SLCO1B1: variants seen among roughly 807,000 people sequenced by gnomAD.
SLCO1B1 encodes OATP-2.
A neutral mutation model predicts 70.1 loss-of-function variants in SLCO1B1; 81 were observed. That is an observed-to-expected ratio of 1.16 (90% confidence interval 0.97 to 1.39). The LOEUF (loss-of-function observed/expected upper bound fraction) is 1.39. SLCO1B1 is among the 40% of genes most tolerant of loss of function. The probability of loss-of-function intolerance (pLI) is 0.00; values close to 1 mark genes in which losing one functional copy is unlikely to be tolerated. For missense variants in SLCO1B1, 895 were observed against 799.6 expected (o/e 1.12, Z -1.44); for synonymous variants, 283 against 271.5 (o/e 1.04, Z -0.42).
chr12:21,134,044 G>C (rs537678941), intron 1 of SLCO1B1, among the ~76,000 whole-genome samples: 65 of 152,148 alleles, frequency 4.3e-4, no homozygotes, highest in African/African-American at 8.4e-4. Context: ...TAGCATGAAG[G>C]GTTGTTGAAT....
chr12:21,197,089 A>G lies in SLCO1B1; in HGVS notation c.871A>G (p.Lys291Glu), dbSNP rs1239892231. The change falls in exon 8 of 15, where the codon AAA becomes GAA. Residue 291 changes from lysine (K) to glutamate (E), a missense_variant. By Grantham distance (56) the Lys-to-Glu change is moderately conservative. Transcript: ENST00000256958. ...QTPNKPQKERKASLSLHVLET... is the reference protein window; with the variant it reads ...QTPNKPQKEREASLSLHVLET... ...TCCAAATAAACCACAAAAAGAAAGA[A>G]AAGCTTCACTGTCTTTGCATGTGCT... The G allele has an allele frequency of 6.2e-7, 1 of 1,613,708 alleles. No individual in the cohort carries two copies. Among genetic ancestry groups the G allele is most frequent in the Non-Finnish European group, 8.5e-7 (1 of 1,179,776 alleles).
chr12:21,162,246 A>G (rs1375177558), intron 2 of SLCO1B1, among the ~76,000 whole-genome samples: 2 of 152,060 alleles, frequency 1.3e-5, no homozygotes, highest in African/African-American at 4.8e-5. Flanking sequence ...CAATAAAAGG[A>G]ACACTTAAAA....
intron 9 of SLCO1B1, 39 bp downstream of exon 9, chr12:21,200,711 A>G: frequency 6.5e-7 from 1 of 1,531,946 alleles, no homozygotes. Context: ...AATAAGTGAA[A>G]TAATACTAAA....
chr12:21,212,013 C>G (rs1014408560), intron 11 of SLCO1B1, among the ~76,000 whole-genome samples: 1 of 149,754 alleles, frequency 6.7e-6, no homozygotes, highest in Non-Finnish European at 1.5e-5. Flanking sequence ...AAAAAACCAG[C>G]TCCTGGATTC....
chr12:21,156,920 A>G (rs928806128), intron 2 of SLCO1B1, among the ~76,000 whole-genome samples: 1 of 152,172 alleles, frequency 6.6e-6, no homozygotes, highest in Non-Finnish European at 1.5e-5. Context: ...AGTTTCAGAA[A>G]TAAAATTTAT....
intron 1 of SLCO1B1, among the ~76,000 whole-genome samples, chr12:21,139,518 T>C (rs1266285690): frequency 1.3e-5 from 2 of 152,066 alleles, no homozygotes; most frequent in Non-Finnish European, 2.9e-5. Context: ...TTATGCACTA[T>C]CCCTTAAATA....
intron 7 of SLCO1B1, among the ~76,000 whole-genome samples, chr12:21,191,559 C>T (rs886484063): frequency 7.2e-5 from 11 of 151,978 alleles, no homozygotes; most frequent in African/African-American, 2.7e-4. Context: ...TTTCTATATA[C>T]AAAATCATGC....
At position 21,236,339 on chromosome 12, in the gene SLCO1B1, C is replaced by G. The variant is rs183495122; in HGVS notation, c.1866-2640C>G. 1.5e-3 allele frequency among the ~76,000 whole-genome samples: 229 copies of G among 152,290 alleles called. 1 individual carries two copies. The highest frequency in any genetic ancestry group is 2.9e-3 in the Admixed American group (45 of 15,300). On this transcript the variant is annotated intron_variant, in intron 14 of 14. Transcript: ENST00000256958. Reference sequence around the variant, plus strand: ...ACCCCTGTGCCTACCAAAGTCAGAGCAGTTTGTTGGACATGTTTGCCAGGA... The same window carrying G: ...ACCCCTGTGCCTACCAAAGTCAGAGGAGTTTGTTGGACATGTTTGCCAGGA...
chr12:21,174,397 A>G (rs563762407), intron 3 of SLCO1B1, among the ~76,000 whole-genome samples, 180 bp from the exon 4 acceptor site: 19 of 150,922 alleles, frequency 1.3e-4, no homozygotes, highest in African/African-American at 4.1e-4. Flanking sequence ...TTTTTTTTGT[A>G]TTTAAAACAA....
chr12:21,133,426 A>G (rs1460856885), intron 1 of SLCO1B1, among the ~76,000 whole-genome samples: 1 of 152,138 alleles, frequency 6.6e-6, no homozygotes, highest in Non-Finnish European at 1.5e-5. Flanking sequence ...CTTGGACAGT[A>G]TGGCCATTTT....
In SLCO1B1 at chr12:21,224,797, G is replaced by T; in HGVS notation, c.1823G>T (p.Gly608Val). The T allele has an allele frequency of 1.9e-6, 3 of 1,610,262 alleles. No homozygotes were observed. The highest frequency in any genetic ancestry group is 2.5e-6 in the Non-Finnish European group (3 of 1,177,506). Reference sequence around the variant, plus strand: ...ATAAAGTGGTCCACCAACAACTGTGGCACACGTGGGTCATGTAGGACATAT... The same window carrying T: ...ATAAAGTGGTCCACCAACAACTGTGTCACACGTGGGTCATGTAGGACATAT... ...TCIKWSTNNC[G>V]TRGSCRTYNS... The change falls in exon 14 of 15, where the codon GGC (glycine) becomes GTC (valine). Residue 608 changes from glycine to valine, a missense_variant. Gly to Val is a moderately radical substitution (Grantham distance 109). Coordinates refer to ENST00000256958, the MANE Select transcript of SLCO1B1 (RefSeq NM_006446.5).
At chr12:21,138,835 G>T (rs1940267072) in intron 1 of SLCO1B1, among the ~76,000 whole-genome samples, 1 of 152,140 alleles carries the variant, frequency 6.6e-6, no homozygotes, top group Non-Finnish European at 1.5e-5. Flanking sequence ...TTCTTCTTGG[G>T]ACTGTGGTTT....
At chr12:21,216,175 A>G (rs757802106) in intron 11 of SLCO1B1, among the ~76,000 whole-genome samples, 1 of 152,160 alleles carries the variant, frequency 6.6e-6, no homozygotes, top group African/African-American at 2.4e-5. Context: ...TAAATCCTCA[A>G]TAATGAACCA....
intron 14 of SLCO1B1, among the ~76,000 whole-genome samples, chr12:21,237,730 T>TG: frequency 6.6e-6 from 1 of 151,894 alleles, no homozygotes; most frequent in Non-Finnish European, 1.5e-5. Context: ...TTTTTTTTTT[T>TG]TTGAGATGGA....
At chr12:21,232,691 CAGAG>C (rs374462905) in intron 14 of SLCO1B1, among the ~76,000 whole-genome samples, 13 of 143,146 alleles carry the variant, frequency 9.1e-5, no homozygotes, top group South Asian at 2.2e-4. Context: ...CACACACACA[CAGAG>C]AGAGAGAGAG....
chr12:21,202,744 C>G, intron 10 of SLCO1B1, 58 bp downstream of exon 10: 1 of 1,348,510 alleles, frequency 7.4e-7, no homozygotes, highest in East Asian at 2.3e-5. Flanking sequence ...TTAAGAGTCT[C>G]TGTATAAGTA....
In SLCO1B1 at chr12:21,172,570, T is replaced by C. The variant is rs1266005763; in HGVS notation, c.85-80T>C. 4.4e-5 allele frequency: 63 copies of C among 1,426,440 alleles called. 1 individual carries two copies. In the East Asian group the frequency reaches 1.4e-3, roughly 31 times the overall value. 88.4% of individuals were successfully genotyped at this position (1,426,440 alleles called of 1,614,324 possible). On this transcript the variant is annotated intron_variant, in intron 2 of 14. Transcript: ENST00000256958. ...AATGTTTTTAAGTAAAGAAGAAAGCTATTATAATTCCATGTGCCTATTGAC... is the reference window on the plus strand; with the variant it reads ...AATGTTTTTAAGTAAAGAAGAAAGCCATTATAATTCCATGTGCCTATTGAC...
rs1482611365 is a variant in SLCO1B1 at position 21,200,611 on chromosome 12, T to A, written c.1074T>A (p.Tyr358Ter). The A allele has an allele frequency of 6.2e-7, 1 of 1,612,320 alleles. No homozygotes were observed. The highest frequency in any genetic ancestry group is 2.2e-5 in the East Asian group (1 of 44,720). Residue 358 changes from tyrosine to a stop codon, truncating the protein, a stop_gained, in exon 9 of 15, where the codon TAT becomes TAA. Coordinates refer to ENST00000256958, the MANE Select transcript of SLCO1B1 (RefSeq NM_006446.5). LOFTEE classifies it high-confidence loss of function. ...GCAGCTATATTGGTGCTTTTACTTA[T>A]GTCTTCAAATACGTAGAGCAACAGT... is the stretch of plus-strand genomic sequence containing the variant. ...QVSSYIGAFT[Y>*]VFKYVEQQYG...
chr12:21,237,668 C>T (rs1205261623), intron 14 of SLCO1B1, among the ~76,000 whole-genome samples: 3 of 151,778 alleles, frequency 2.0e-5, no homozygotes, highest in African/African-American at 7.3e-5. Flanking sequence ...TTCTGAGTTT[C>T]CTGAATCTGT....
Sources: gnomAD v4.1 joint callset for allele counts (sites outside exome capture counted in the v4.1 genomes callset) on GRCh38, gnomAD v4.1.1 for gene constraint, MANE v1.5 for transcripts, NCBI Gene and HGNC (gene_info 2026-07-23, HGNC 2026-07-21) for gene names.